PTPRG: variants seen among roughly 807,000 people sequenced by gnomAD.
PTPRG encodes receptor-type tyrosine-protein phosphatase gamma.
Under a neutral mutation model 165.3 loss-of-function variants are expected in PTPRG, and 102 were observed. The observed-to-expected ratio is 0.62, with a 90% CI of 0.53 to 0.73. The LOEUF is 0.73. Ranked by LOEUF, PTPRG falls within the 30% of genes least tolerant of loss-of-function variation. The pLI is 0.00. For synonymous variants in PTPRG, 675 were observed against 669.5 expected (o/e 1.01, Z -0.13); for missense variants, 1,866 against 1,861.4 (o/e 1.00, Z -0.05).
intron 2 of PTPRG, among the ~76,000 whole-genome samples, chr3:61,924,040 A>G (rs1313485756): frequency 6.6e-6 from 1 of 152,234 alleles, no homozygotes; most frequent in Non-Finnish European, 1.5e-5. Context: ...CTTATGCTAT[A>G]GAAAGCTAGG....
intron 1 of PTPRG, among the ~76,000 whole-genome samples, chr3:61,668,306 C>T (rs1452210799): frequency 6.6e-6 from 1 of 152,094 alleles, no homozygotes; most frequent in African/African-American, 2.4e-5. Flanking sequence ...TACAGGACAC[C>T]CCTCTATCAG....
At chr3:61,959,528 G>A (rs959674966) in intron 2 of PTPRG, among the ~76,000 whole-genome samples, 4 of 152,174 alleles carry the variant, frequency 2.6e-5, no homozygotes, top group African/African-American at 7.2e-5. Context: ...AACCGGAGGC[G>A]GAGCTCAGGC....
At chr3:61,848,153 A>C (rs1304990989) in intron 2 of PTPRG, among the ~76,000 whole-genome samples, 1 of 152,210 alleles carries the variant, frequency 6.6e-6, no homozygotes, top group African/African-American at 2.4e-5. Context: ...GCTGAAGTGC[A>C]TGTCCTGGAG....
intron 2 of PTPRG, among the ~76,000 whole-genome samples, chr3:61,849,670 C>A (rs543384731): frequency 1.3e-5 from 2 of 152,272 alleles, no homozygotes; most frequent in East Asian, 1.9e-4. Context: ...TTGTATTTTT[C>A]TTTTCTTTGC....
intron 1 of PTPRG, among the ~76,000 whole-genome samples, chr3:61,717,417 G>A (rs1189056025): frequency 6.6e-6 from 1 of 152,132 alleles, no homozygotes; most frequent in Non-Finnish European, 1.5e-5. Flanking sequence ...AATCACTCTT[G>A]TATTTTCCCA....
chr3:62,027,635 G>T (rs1374615707), intron 4 of PTPRG, among the ~76,000 whole-genome samples: 1 of 152,180 alleles, frequency 6.6e-6, no homozygotes, highest in Non-Finnish European at 1.5e-5. Context: ...AAGCCAAGCA[G>T]CTGACAGACA....
At chr3:62,091,788 C>T (rs531891496) in intron 5 of PTPRG, among the ~76,000 whole-genome samples, 46 of 152,018 alleles carry the variant, frequency 3.0e-4, no homozygotes, top group African/African-American at 5.3e-4. Context: ...CAGTGTTTGC[C>T]GTGGAGGGGA....
chr3:61,907,126 C>A (rs1018795871), intron 2 of PTPRG, among the ~76,000 whole-genome samples: 2 of 151,820 alleles, frequency 1.3e-5, no homozygotes, highest in African/African-American at 4.8e-5. Context: ...TCCTTCTCTT[C>A]CCCAACTTCC....
chr3:62,112,139 C>T (rs1170658341), intron 5 of PTPRG, among the ~76,000 whole-genome samples: 3 of 151,702 alleles, frequency 2.0e-5, no homozygotes, highest in African/African-American at 4.8e-5. Context: ...TTCACTCTGT[C>T]GCCCACGCTG....
chr3:61,822,004 T>G (rs1052823651), intron 2 of PTPRG, among the ~76,000 whole-genome samples: 11 of 152,216 alleles, frequency 7.2e-5, no homozygotes, highest in African/African-American at 1.4e-4. Context: ...ATCTTCCTCC[T>G]TCATCATCAG....
At chr3:61,651,404 A>C (rs548106392) in intron 1 of PTPRG, among the ~76,000 whole-genome samples, 1 of 151,370 alleles carries the variant, frequency 6.6e-6, no homozygotes, top group South Asian at 2.1e-4. Context: ...TACTAGTGAT[A>C]GATGATAGCA....
intron 2 of PTPRG, among the ~76,000 whole-genome samples, chr3:61,966,163 G>T (rs1351536545): frequency 6.6e-6 from 1 of 152,138 alleles, no homozygotes; most frequent in Non-Finnish European, 1.5e-5. Context: ...TGTGATATTT[G>T]GTTATCGAGT....
intron 1 of PTPRG, among the ~76,000 whole-genome samples, chr3:61,583,329 C>A (rs1700350577): frequency 6.6e-6 from 1 of 152,094 alleles, no homozygotes; most frequent in South Asian, 2.1e-4. Context: ...GGCTTCCTTA[C>A]AGTGGTCTTG....
At chr3:61,752,268 C>T (rs1407335864) in intron 2 of PTPRG, among the ~76,000 whole-genome samples, 1 of 152,090 alleles carries the variant, frequency 6.6e-6, no homozygotes. Flanking sequence ...GGTTGGCAAA[C>T]TACAAACTGC....
intron 5 of PTPRG, among the ~76,000 whole-genome samples, chr3:62,117,068 T>C (rs1433509310): frequency 6.6e-6 from 1 of 152,206 alleles, no homozygotes; most frequent in Non-Finnish European, 1.5e-5. Flanking sequence ...TGTCTTTACT[T>C]TCTATGACAC....
At chr3:61,749,527 G>C (rs1169046066) in intron 2 of PTPRG, 1 of 197,086 alleles carries the variant, frequency 5.1e-6, no homozygotes, top group African/African-American at 2.4e-5. Context: ...GCTAATGAAG[G>C]GAGAGAGCAT....
intron 3 of PTPRG, among the ~76,000 whole-genome samples, chr3:61,995,745 T>TTCCTTCCTTCCTTCCTTCCGTCCCTCCC (rs1311791723): frequency 9.1e-6 from 1 of 109,730 alleles, no homozygotes; most frequent in East Asian, 3.2e-4. Flanking sequence ...CCTTCCTTCC[T>TTCCTTCCTTCCTTCCTTCCGTCCCTCCC]TCCCTCCCTC....
chr3:62,146,664 G>A (rs2106662402), intron 6 of PTPRG, among the ~76,000 whole-genome samples: 1 of 151,540 alleles, frequency 6.6e-6, no homozygotes, highest in Non-Finnish European at 1.5e-5. Context: ...CCCTCATATA[G>A]GAGTGCAGGG....
chr3:61,948,908 A>G (rs1345581788), intron 2 of PTPRG, among the ~76,000 whole-genome samples: 1 of 152,178 alleles, frequency 6.6e-6, no homozygotes, highest in East Asian at 1.9e-4. Flanking sequence ...AATGTCTATG[A>G]TTATCTTTGT....
Sources: allele counts gnomAD v4.1 joint callset (sites outside exome capture counted in the v4.1 genomes callset), GRCh38; gene constraint gnomAD v4.1.1; transcripts MANE v1.5; gene names NCBI Gene and HGNC (gene_info 2026-07-23, HGNC 2026-07-21).